COPA: variants seen among roughly 807,000 people sequenced by gnomAD.
COPA encodes coatomer subunit alpha.
Under a neutral mutation model 158.7 loss-of-function variants are expected in COPA, and 10 were observed. The observed-to-expected ratio is 0.06, with a 90% CI of 0.04 to 0.11. The LOEUF is 0.11. Ranked by LOEUF, COPA falls within the 10% of genes least tolerant of loss-of-function variation. The probability of loss-of-function intolerance (pLI) is 1.00; values close to 1 mark genes in which losing one functional copy is unlikely to be tolerated. For missense variants in COPA, 1,065 were observed against 1,536.7 expected (o/e 0.69, Z 5.13); for synonymous variants, 462 against 542.8 (o/e 0.85, Z 2.07).
At chr1:160,329,703 G>T (rs1194019894) in intron 6 of COPA, among the ~76,000 whole-genome samples, 1 of 152,158 alleles carries the variant, frequency 6.6e-6, no homozygotes, top group Non-Finnish European at 1.5e-5. Context: ...AATTCTCTAT[G>T]AACTAGAATA....
chr1:160,306,562 T>C, intron 14 of COPA, 69 bp from the exon 15 acceptor site: 2 of 1,577,020 alleles, frequency 1.3e-6, no homozygotes, highest in Non-Finnish European at 8.7e-7. Context: ...ACTGATGATG[T>C]TCCTCAGCAA....
At chr1:160,339,851 T>G in intron 3 of COPA, 58 bp downstream of exon 3, 1 of 1,509,680 alleles carries the variant, frequency 6.6e-7, no homozygotes, top group Non-Finnish European at 9.2e-7. Context: ...CTTTCATGAT[T>G]CCCAAACCTT....
intron 11 of COPA, among the ~76,000 whole-genome samples, chr1:160,311,575 G>A (rs1037580154): frequency 1.3e-5 from 2 of 151,886 alleles, no homozygotes; most frequent in Non-Finnish European, 2.9e-5. Flanking sequence ...TGGTGAAACC[G>A]TCTCTACTAA....
chr1:160,322,842 T>C (rs1175457373), intron 8 of COPA, among the ~76,000 whole-genome samples: 1 of 152,218 alleles, frequency 6.6e-6, no homozygotes, highest in East Asian at 1.9e-4. Flanking sequence ...CTACTGGCTA[T>C]ATATCCAAAT....
At position 160,323,437 on chromosome 1, in the gene COPA, T is replaced by C. The variant is rs2101860133; in HGVS notation, c.700A>G (p.Met234Val). Residue 234 changes from methionine to valine, a missense_variant, in exon 8 of 33, where the codon ATG becomes GTG. Coordinates refer to ENST00000241704, the MANE Select transcript of COPA (RefSeq NM_004371.4). ...ADDRQVKIWR[M>V]NESKAWEVDT... ...ATGTAACCGGTTCACTCACCATTCA[T>C]GCGCCAGATCTTCACTTGACGATCA... The C allele has an allele frequency of 6.2e-7, 1 of 1,607,322 alleles. No individual in the cohort carries two copies. Among genetic ancestry groups the C allele is most frequent in the African/African-American group, 1.3e-5 (1 of 74,836 alleles).
intron 13 of COPA, 129 bp from the exon 14 acceptor site, chr1:160,307,374 T>C: frequency 1.2e-6 from 1 of 815,160 alleles, no homozygotes; most frequent in East Asian, 2.5e-5. Context: ...GCTTCCTAAC[T>C]AATTCAGCCA....
chr1:160,299,498 G>T (rs1658528290), intron 17 of COPA, among the ~76,000 whole-genome samples: 2 of 152,154 alleles, frequency 1.3e-5, no homozygotes, highest in Non-Finnish European at 2.9e-5. Flanking sequence ...AACAGATGTG[G>T]CTATAGGAAT....
chr1:160,324,224 TA>T (rs1659421061), intron 7 of COPA, among the ~76,000 whole-genome samples: 1 of 152,012 alleles, frequency 6.6e-6, no homozygotes, highest in African/African-American at 2.4e-5. Flanking sequence ...AAGATTATTT[TA>T]AGAAGTTTGC....
chr1:160,290,850 C>T (rs1236328347), intron 31 of COPA, among the ~76,000 whole-genome samples, 164 bp from the exon 32 acceptor site: 1 of 152,194 alleles, frequency 6.6e-6, no homozygotes, highest in Non-Finnish European at 1.5e-5. Context: ...TTAACAATCA[C>T]CATTCCTATT....
chr1:160,332,892 G>A (rs1036115606), intron 5 of COPA, among the ~76,000 whole-genome samples: 1 of 151,944 alleles, frequency 6.6e-6, no homozygotes, highest in East Asian at 1.9e-4. Context: ...ATTTTAGTAG[G>A]GTATCCCTTT....
chr1:160,292,485 A>T lies in COPA; in HGVS notation c.2959T>A (p.Trp987Arg). 6.2e-7 allele frequency: 1 copy of T among 1,613,304 alleles called. No individual in the cohort carries two copies. Among genetic ancestry groups the T allele is most frequent in the Non-Finnish European group, 8.5e-7 (1 of 1,179,738 alleles). The stretch of plus-strand genomic sequence containing the variant: ...AAAGCAAAGAGAAAAGGGCCTTACC[A>T]GTTGCGATTAGGATAGCCATACATG... ...PSMYGYPNRN[W>R]KDAGLKNGVP... Residue 987 changes from tryptophan (W) to arginine (R), a missense_variant and splice_region_variant, in exon 28 of 33, where the codon TGG (tryptophan) becomes AGG (arginine). By Grantham distance (101) the Trp-to-Arg change is moderately radical. Coordinates refer to ENST00000241704, the MANE Select transcript of COPA (RefSeq NM_004371.4).
intron 8 of COPA, among the ~76,000 whole-genome samples, chr1:160,320,933 T>C (rs192939235): frequency 1.3e-5 from 2 of 151,216 alleles, no homozygotes; most frequent in African/African-American, 4.8e-5. Flanking sequence ...CTGATGAACA[T>C]AGATGCAAAA....
chr1:160,321,141 A>C (rs2101857272), intron 8 of COPA, among the ~76,000 whole-genome samples: 1 of 152,354 alleles, frequency 6.6e-6, no homozygotes, highest in Admixed American at 6.5e-5. Flanking sequence ...GATAAAATTC[A>C]ACATCCCTTT....
chr1:160,313,657 A>G (rs755986832), intron 9 of COPA, among the ~76,000 whole-genome samples: 10 of 151,314 alleles, frequency 6.6e-5, no homozygotes, highest in Non-Finnish European at 1.0e-4. Context: ...CTCGTGATCC[A>G]CCCGCCTCAG....
intron 5 of COPA, 75 bp from the exon 6 acceptor site, chr1:160,332,632 A>G: frequency 2.0e-6 from 2 of 1,006,838 alleles, no homozygotes; most frequent in Admixed American, 2.5e-5. Context: ...ACCTTTCTCC[A>G]TATTCAATAA....
Position 160,293,206 on chromosome 1 carries a change from A to C in COPA, c.2783T>G (p.Val928Gly). ...QIWCNNSQLP[V>G]DHILAGSFET... The stretch of plus-strand genomic sequence containing the variant: ...GAAAGAGCCTGCCAGGATGTGATCA[A>C]CTGGAAGCTGAGAGTTATTACACCA... Residue 928 changes from valine (V) to glycine (G), a missense_variant, in exon 27 of 33, where the codon GTT becomes GGT. By Grantham distance (109) the Val-to-Gly change is moderately radical. Transcript: ENST00000241704. 1 of 1,614,230 alleles carries C rather than the reference A, an allele frequency of 6.2e-7. No individual in the cohort carries two copies. Among genetic ancestry groups the C allele is most frequent in the Non-Finnish European group, 8.5e-7 (1 of 1,180,040 alleles).
Position 160,299,269 on chromosome 1 carries a change from G to A in COPA, c.1668-5C>T. Reference sequence around the variant, plus strand: ...GTTCGAATGATCCCGTGGTCCCTAAGAACAGAGGGCACAGCTTTCAGTAAG... The same window carrying A: ...GTTCGAATGATCCCGTGGTCCCTAAAAACAGAGGGCACAGCTTTCAGTAAG... On this transcript the variant is annotated splice_region_variant and splice_polypyrimidine_tract_variant and intron_variant, in intron 17 of 32. Coordinates refer to ENST00000241704, the MANE Select transcript of COPA (RefSeq NM_004371.4). 1 of 1,605,614 alleles carries A rather than the reference G, an allele frequency of 6.2e-7. No homozygotes were observed. The highest frequency in any genetic ancestry group is 8.5e-7 in the Non-Finnish European group (1 of 1,173,188).
At chr1:160,310,280 G>T (rs746774547) in intron 11 of COPA, 22 bp from the exon 12 acceptor site, 1 of 1,476,844 alleles carries the variant, frequency 6.8e-7, no homozygotes, top group Non-Finnish European at 9.3e-7. Flanking sequence ...TATAGAAAAA[G>T]GAGAAAACAG....
chr1:160,305,888 C>A, intron 15 of COPA, 115 bp from the exon 16 acceptor site: 3 of 835,322 alleles, frequency 3.6e-6, no homozygotes, highest in Non-Finnish European at 5.9e-6. Context: ...TAATGTAATT[C>A]TAATTACATA....
Sources: allele counts gnomAD v4.1 joint callset (sites outside exome capture counted in the v4.1 genomes callset), GRCh38; gene constraint gnomAD v4.1.1; transcripts MANE v1.5; gene names NCBI Gene and HGNC (gene_info 2026-07-23, HGNC 2026-07-21).